CFAP53: variants seen among roughly 807,000 people sequenced by gnomAD.
CFAP53 encodes the protein cilia- and flagella-associated protein 53.
Under a neutral mutation model 59.7 loss-of-function variants are expected in CFAP53, and 62 were observed. The observed-to-expected ratio is 1.04, with a 90% CI of 0.85 to 1.28. CFAP53 has a LOEUF of 1.28. Ranked by LOEUF, CFAP53 falls within the 50% of genes most tolerant of loss-of-function variation. The pLI is 0.00. For missense variants in CFAP53, 629 were observed against 615.6 expected (o/e 1.02, Z -0.23); for synonymous variants, 218 against 205.7 (o/e 1.06, Z -0.51).
intron 6 of CFAP53, among the ~76,000 whole-genome samples, chr18:50,240,681 T>C (rs1168022778): frequency 6.6e-6 from 1 of 152,204 alleles, no homozygotes; most frequent in South Asian, 2.1e-4. Flanking sequence ...CTGACGAATA[T>C]AAAAATCTTT....
chr18:50,242,083 G>A lies in CFAP53; in HGVS notation c.1213+817C>T, dbSNP rs183458383. On this transcript the variant is annotated intron_variant, in intron 6 of 7. Transcript: ENST00000398545. ...ATTCAGCAATATTTCTCCTACTCGC[G>A]TTCTGCAAGAAGAAAAACATGGCTC... is the stretch of plus-strand genomic sequence containing the variant. Among the ~76,000 whole-genome samples, 191 of 152,252 alleles carry A rather than the reference G, an allele frequency of 1.3e-3. 2 individuals are homozygous for A. The East Asian group carries it at 0.017, about 14-fold the overall frequency.
chr18:50,237,304 CAAAAAAAAAA>C (rs143356494), intron 7 of CFAP53, among the ~76,000 whole-genome samples: 1 of 9,340 alleles, frequency 1.1e-4, no homozygotes, highest in African/African-American at 2.2e-4. Context: ...GACTCCATCT[CAAAAAAAAAA>C]AAAAAAAAAA....
intron 7 of CFAP53, among the ~76,000 whole-genome samples, chr18:50,235,549 GA>G (rs34973286): frequency 0.3 from 46,127 of 152,024 alleles, 7,818 homozygotes; most frequent in Non-Finnish European, 0.39. Flanking sequence ...GCCTTGACAA[GA>G]GCGAAATTCT....
chr18:50,236,787 G>A (rs566799168), intron 7 of CFAP53, among the ~76,000 whole-genome samples: 56 of 152,212 alleles, frequency 3.7e-4, no homozygotes, highest in African/African-American at 1.3e-3. Context: ...GAGATGTTCC[G>A]AGCAAGAACT....
chr18:50,253,713 T>A (rs1159636366), intron 3 of CFAP53, among the ~76,000 whole-genome samples: 2 of 152,198 alleles, frequency 1.3e-5, no homozygotes, highest in Non-Finnish European at 2.9e-5. Flanking sequence ...CAGTTAAGCA[T>A]CTTACCTAAG....
chr18:50,255,154 C>A, intron 3 of CFAP53, among the ~76,000 whole-genome samples: 1 of 152,128 alleles, frequency 6.6e-6, no homozygotes, highest in East Asian at 1.9e-4. Context: ...GGATGGACCT[C>A]AAAGGCATTA....
chr18:50,258,575 C>T (rs1336727512), intron 3 of CFAP53, among the ~76,000 whole-genome samples: 10 of 152,048 alleles, frequency 6.6e-5, no homozygotes, highest in Admixed American at 2.0e-4. Context: ...CCTATAAGCA[C>T]GGGCAACCAA....
intron 3 of CFAP53, among the ~76,000 whole-genome samples, chr18:50,253,086 G>A (rs1319494621): frequency 2.0e-5 from 3 of 151,012 alleles, no homozygotes; most frequent in East Asian, 2.0e-4. Context: ...GCACGATCTC[G>A]GCTCACTGCA....
chr18:50,236,747 TCA>T (rs2033637082), intron 7 of CFAP53, among the ~76,000 whole-genome samples: 1 of 152,162 alleles, frequency 6.6e-6, no homozygotes, highest in African/African-American at 2.4e-5. Flanking sequence ...ATATATAGCC[TCA>T]GTCATGTGGA....
chr18:50,249,866 A>G (rs190331595), intron 5 of CFAP53, among the ~76,000 whole-genome samples: 1 of 152,278 alleles, frequency 6.6e-6, no homozygotes, highest in Admixed American at 6.5e-5. Context: ...ACCAGAGTAA[A>G]GGGTACAAGG....
At chr18:50,256,592 C>T (rs1198957520) in intron 3 of CFAP53, 1 of 152,170 alleles carries the variant, frequency 6.6e-6, no homozygotes, top group East Asian at 1.9e-4. Flanking sequence ...TTACTTTTAG[C>T]AGCTGCATCT....
chr18:50,247,654 G>A (rs1336191109), intron 5 of CFAP53, among the ~76,000 whole-genome samples: 2 of 152,214 alleles, frequency 1.3e-5, no homozygotes, highest in East Asian at 3.8e-4. Flanking sequence ...AGTGATTCAT[G>A]CTACAATGTG....
intron 1 of CFAP53, among the ~76,000 whole-genome samples, chr18:50,262,528 A>T (rs1428145010): frequency 1.3e-5 from 2 of 152,214 alleles, no homozygotes; most frequent in Non-Finnish European, 2.9e-5. Context: ...AAACCCAGAG[A>T]CATTAAGTGA....
chr18:50,235,857 G>T (rs572759850), intron 7 of CFAP53, among the ~76,000 whole-genome samples: 1 of 152,140 alleles, frequency 6.6e-6, no homozygotes, highest in Non-Finnish European at 1.5e-5. Flanking sequence ...ATCCTAGGTC[G>T]GGCAAACTAT....
At chr18:50,247,042 TAA>T (rs760218280) in intron 5 of CFAP53, among the ~76,000 whole-genome samples, 8 of 137,902 alleles carry the variant, frequency 5.8e-5, no homozygotes, top group Admixed American at 7.3e-5. Flanking sequence ...GAGTGAGATT[TAA>T]AAAAAAAAAA....
chr18:50,248,486 T>C (rs138182929), intron 5 of CFAP53, among the ~76,000 whole-genome samples: 2 of 152,282 alleles, frequency 1.3e-5, no homozygotes, highest in Non-Finnish European at 2.9e-5. Context: ...ATTTATCTCA[T>C]AGAAATGATG....
intron 6 of CFAP53, among the ~76,000 whole-genome samples, chr18:50,239,889 TA>T: frequency 6.6e-6 from 1 of 152,360 alleles, no homozygotes. Flanking sequence ...TTTCCTTGTT[TA>T]TAAATGGTCT....
intron 7 of CFAP53, among the ~76,000 whole-genome samples, chr18:50,229,419 T>C (rs2033558117): frequency 6.6e-6 from 1 of 152,232 alleles, no homozygotes; most frequent in South Asian, 2.1e-4. Flanking sequence ...AGGATTTCCT[T>C]GCTTTTTAAG....
At position 50,240,289 on chromosome 18, in the gene CFAP53, C is replaced by T. The variant is rs140076201; in HGVS notation, c.1214-1584G>A. The stretch of plus-strand genomic sequence containing the variant: ...CACCCTGATTCATTCAGATTACCTG[C>T]TCCACCCTAACTCATTCTGATTACC... On this transcript the variant is annotated intron_variant, in intron 6 of 7. Coordinates refer to ENST00000398545, the MANE Select transcript of CFAP53 (RefSeq NM_145020.5). 7.3e-3 allele frequency among the ~76,000 whole-genome samples: 1,118 copies of T among 152,144 alleles called. 26 individuals are homozygous for T. The East Asian group carries it at 0.074, about 10-fold the overall frequency.
Sources: allele counts gnomAD v4.1 joint callset (sites outside exome capture counted in the v4.1 genomes callset), GRCh38; gene constraint gnomAD v4.1.1; transcripts MANE v1.5; gene names NCBI Gene and HGNC (gene_info 2026-07-23, HGNC 2026-07-21).